Variants in CDH12 observed in about 807,000 individuals in gnomAD.
CDH12 encodes cadherin 12.
In CDH12, 41 loss-of-function variants were observed where a neutral mutation model predicts 74.1. The observed-to-expected ratio is 0.55, with a 90% confidence interval of 0.43 to 0.72. CDH12 has a LOEUF of 0.72. Ranked by LOEUF, CDH12 falls within the 30% of genes least tolerant of loss-of-function variation. The probability of loss-of-function intolerance (pLI) is 0.00; values close to 1 mark genes in which losing one functional copy is unlikely to be tolerated. For synonymous variants in CDH12, 399 were observed against 355.0 expected (o/e 1.12, Z -1.39); for missense variants, 945 against 977.2 (o/e 0.97, Z 0.44).
At chr5:21,976,712 AAAAT>A (rs1351934780) in intron 5 of CDH12, among the ~76,000 whole-genome samples, 1 of 151,986 alleles carries the variant, frequency 6.6e-6, no homozygotes, top group Non-Finnish European at 1.5e-5. Flanking sequence ...ACCCAAAAGA[AAAAT>A]AAACTTTTGC....
chr5:22,323,773 T>C (rs1362222674), intron 3 of CDH12, among the ~76,000 whole-genome samples: 1 of 152,096 alleles, frequency 6.6e-6, no homozygotes, highest in Non-Finnish European at 1.5e-5. Context: ...GTTTTTTGTT[T>C]GCTTTGCTTT....
chr5:21,893,959 G>A (rs947376789), intron 6 of CDH12, among the ~76,000 whole-genome samples: 3 of 152,030 alleles, frequency 2.0e-5, no homozygotes, highest in Admixed American at 6.6e-5. Flanking sequence ...TTAATTATTC[G>A]CTGAAGAAAC....
At chr5:22,777,772 T>C (rs1359261855) in intron 1 of CDH12, among the ~76,000 whole-genome samples, 1 of 152,118 alleles carries the variant, frequency 6.6e-6, no homozygotes, top group Non-Finnish European at 1.5e-5. Context: ...TTGCAGCTGG[T>C]TATTTTCCCT....
intron 2 of CDH12, among the ~76,000 whole-genome samples, chr5:22,411,681 C>T (rs769721189): frequency 6.6e-6 from 1 of 151,926 alleles, no homozygotes; most frequent in Non-Finnish European, 1.5e-5. Context: ...TTTTCACTCA[C>T]ATAGTTTTGA....
intron 1 of CDH12, among the ~76,000 whole-genome samples, chr5:22,687,895 T>C (rs1332824565): frequency 6.6e-6 from 1 of 151,994 alleles, no homozygotes; most frequent in Non-Finnish European, 1.5e-5. Flanking sequence ...CAGAAGGAGG[T>C]GTTAATCACA....
chr5:22,174,286 C>G (rs1749208550), intron 4 of CDH12, among the ~76,000 whole-genome samples: 1 of 151,854 alleles, frequency 6.6e-6, no homozygotes, highest in Non-Finnish European at 1.5e-5. Context: ...TGCACAGTAC[C>G]TTGAACTTTG....
chr5:22,214,851 G>C (rs1449790318), intron 3 of CDH12, among the ~76,000 whole-genome samples: 2 of 152,088 alleles, frequency 1.3e-5, no homozygotes, highest in Non-Finnish European at 2.9e-5. Context: ...AAAATCCAGA[G>C]GTCTTTCAAA....
intron 3 of CDH12, among the ~76,000 whole-genome samples, chr5:22,260,915 G>T (rs1753483572): frequency 6.6e-6 from 1 of 151,850 alleles, no homozygotes; most frequent in South Asian, 2.1e-4. Flanking sequence ...GCTTATTTCT[G>T]TTCCGATAAT....
At chr5:22,531,153 C>A (rs185553620) in intron 1 of CDH12, among the ~76,000 whole-genome samples, 115 of 152,176 alleles carry the variant, frequency 7.6e-4, no homozygotes, top group African/African-American at 2.7e-3. Context: ...CCAAAATGGA[C>A]CACAATATGC....
chr5:21,756,136 C>T (rs1274729703), intron 13 of CDH12, among the ~76,000 whole-genome samples: 1 of 151,898 alleles, frequency 6.6e-6, no homozygotes, highest in East Asian at 1.9e-4. Context: ...TATGACATTG[C>T]AATCTCATTA....
chr5:22,726,560 A>G (rs1166051885), intron 1 of CDH12, among the ~76,000 whole-genome samples: 1 of 151,864 alleles, frequency 6.6e-6, no homozygotes, highest in Non-Finnish European at 1.5e-5. Context: ...TGGCTGTGTC[A>G]TAATGTATTT....
intron 6 of CDH12, among the ~76,000 whole-genome samples, chr5:21,861,935 G>T (rs1337557619): frequency 7.0e-6 from 1 of 143,312 alleles, no homozygotes; most frequent in East Asian, 2.0e-4. Context: ...TGTATAAGCT[G>T]CACTCTTTCT....
Position 22,118,617 on chromosome 5 carries a change from T to A in CDH12, c.-186-39755A>T, listed in dbSNP as rs1353660760. On this transcript the variant is annotated intron_variant, in intron 4 of 14. Coordinates refer to ENST00000382254, the MANE Select transcript of CDH12 (RefSeq NM_004061.5). ...TTCACACATGAAAAAGTGCATAGAA[T>A]TTTTTACTAAAATGTCTGCCTTTTC... Among the ~76,000 whole-genome samples, 6 of 152,038 alleles carry A rather than the reference T, an allele frequency of 3.9e-5. No homozygotes were observed. The South Asian group carries it at 6.2e-4, about 16-fold the overall frequency.
chr5:22,393,980 T>C (rs916481700), intron 3 of CDH12, among the ~76,000 whole-genome samples: 2 of 152,076 alleles, frequency 1.3e-5, no homozygotes, highest in Non-Finnish European at 1.5e-5. Flanking sequence ...TTACTGCTTA[T>C]TGAAAACTGT....
At chr5:22,012,063 C>T (rs1241416503) in intron 5 of CDH12, among the ~76,000 whole-genome samples, 1 of 151,986 alleles carries the variant, frequency 6.6e-6, no homozygotes, top group Non-Finnish European at 1.5e-5. Flanking sequence ...AATTTACATA[C>T]TCTTATATAA....
chr5:21,992,490 C>A (rs1317153182), intron 5 of CDH12, among the ~76,000 whole-genome samples: 2 of 151,920 alleles, frequency 1.3e-5, no homozygotes, highest in Non-Finnish European at 2.9e-5. Context: ...TTTTCAGAAG[C>A]TACTAATTTA....
intron 2 of CDH12, among the ~76,000 whole-genome samples, chr5:22,481,375 G>C (rs1746376792): frequency 6.6e-6 from 1 of 152,096 alleles, no homozygotes; most frequent in African/African-American, 2.4e-5. Context: ...TTGAAATCAG[G>C]ATCTCAAAGA....
chr5:22,803,346 A>G (rs1748631112), intron 1 of CDH12, among the ~76,000 whole-genome samples: 1 of 152,212 alleles, frequency 6.6e-6, no homozygotes, highest in South Asian at 2.1e-4. Flanking sequence ...ATTTCTAAAA[A>G]AGGGACAAGC....
At chr5:21,983,093 T>G (rs1757380018) in intron 5 of CDH12, among the ~76,000 whole-genome samples, 1 of 152,104 alleles carries the variant, frequency 6.6e-6, no homozygotes, top group African/African-American at 2.4e-5. Context: ...TTCTTGGATG[T>G]TATATTTACT....
Sources: gnomAD v4.1 joint callset for allele counts (sites outside exome capture counted in the v4.1 genomes callset) on GRCh38, gnomAD v4.1.1 for gene constraint, MANE v1.5 for transcripts, NCBI Gene and HGNC (gene_info 2026-07-23, HGNC 2026-07-21) for gene names.